TLN2: variants seen among roughly 807,000 people sequenced by gnomAD.
TLN2 encodes the protein talin 2.
TLN2 carries 118 observed loss-of-function variants against 294.7 expected under a neutral mutation model. The observed-to-expected ratio is 0.40, with a 90% CI of 0.34 to 0.47. The LOEUF (loss-of-function observed/expected upper bound fraction) is 0.47, where lower values mean the gene tolerates loss of function less well. Among genes scored for constraint, TLN2 ranks in the 20% least tolerant of loss-of-function variants. The pLI, the probability that TLN2 is intolerant of heterozygous loss-of-function variation, is 0.84. For missense variants in TLN2, 3,083 were observed against 3,282.2 expected (o/e 0.94, Z 1.48); for synonymous variants, 1,431 against 1,304.5 (o/e 1.10, Z -2.09).
intron 52 of TLN2, among the ~76,000 whole-genome samples, chr15:62,812,263 A>T (rs978783037): frequency 3.3e-5 from 5 of 151,996 alleles, no homozygotes; most frequent in Admixed American, 1.3e-4. Flanking sequence ...TTTCCATTTC[A>T]CTTCTCCCCA....
At chr15:62,465,060 C>T (rs1377038189) in intron 1 of TLN2, among the ~76,000 whole-genome samples, 5 of 143,502 alleles carry the variant, frequency 3.5e-5, no homozygotes, top group African/African-American at 1.3e-4. Flanking sequence ...CTCTCATTTG[C>T]TCTAATGGAT....
chr15:62,523,349 A>ACTTTGTACAAACCTGCCTTCC (rs1194825315), intron 1 of TLN2, among the ~76,000 whole-genome samples: 3 of 152,214 alleles, frequency 2.0e-5, no homozygotes, highest in Non-Finnish European at 2.9e-5. Context: ...TGGAATAAAT[A>ACTTTGTACAAACCTGCCTTCC]CTTTGTACAA....
In TLN2 at chr15:62,719,967, A is replaced by G. The variant is rs868758666; in HGVS notation, c.2991+87A>G. 6.6e-5 allele frequency: 67 copies of G among 1,008,910 alleles called. No individual in the cohort carries two copies. In the Middle Eastern group the frequency reaches 1.6e-3, roughly 25 times the overall value. 62.5% of individuals were successfully genotyped at this position (1,008,910 alleles called of 1,614,324 possible). A position where few individuals can be genotyped will look rare whatever the true frequency, so the allele number is the denominator to read the frequency against. ...TTAAGGAGAGGAGTTAATGAATTCC[A>G]CAGCCTCAGCTAAGTCTTTGCGGTA... On this transcript the variant is annotated intron_variant, in intron 25 of 58. Coordinates refer to ENST00000636159, the MANE Select transcript of TLN2 (RefSeq NM_015059.3).
At chr15:62,545,217 C>A (rs2041924890) in intron 1 of TLN2, among the ~76,000 whole-genome samples, 1 of 152,050 alleles carries the variant, frequency 6.6e-6, no homozygotes, top group Non-Finnish European at 1.5e-5. Flanking sequence ...GGATTACAGG[C>A]GTGAGCCACC....
At chr15:62,739,314 A>G (rs751798247) in intron 30 of TLN2, 34 bp from the exon 31 acceptor site, 2 of 1,588,298 alleles carry the variant, frequency 1.3e-6, no homozygotes, top group Non-Finnish European at 1.7e-6. Flanking sequence ...GCAAAGCAGA[A>G]TGTCTCATGG....
chr15:62,429,169 G>T (rs560177762), intron 1 of TLN2, among the ~76,000 whole-genome samples: 8 of 151,800 alleles, frequency 5.3e-5, no homozygotes, highest in East Asian at 1.9e-4. Flanking sequence ...TCACTCAAGC[G>T]GGGTGCAGTG....
intron 1 of TLN2, among the ~76,000 whole-genome samples, chr15:62,398,544 C>A (rs1359943524): frequency 6.6e-6 from 1 of 152,098 alleles, no homozygotes; most frequent in Non-Finnish European, 1.5e-5. Context: ...TTTGGAACTT[C>A]CCAGAGACTT....
chr15:62,815,000 G>A (rs2066986781), intron 52 of TLN2, among the ~76,000 whole-genome samples: 1 of 152,062 alleles, frequency 6.6e-6, no homozygotes, highest in South Asian at 2.1e-4. Flanking sequence ...GTTTTCAGAG[G>A]GGATTCTAAT....
intron 1 of TLN2, among the ~76,000 whole-genome samples, chr15:62,393,821 A>G (rs540987860): frequency 6.7e-6 from 1 of 149,896 alleles, no homozygotes; most frequent in Admixed American, 6.6e-5. Flanking sequence ...ATTGTTATAC[A>G]TCGTGCTTTG....
intron 1 of TLN2, among the ~76,000 whole-genome samples, chr15:62,582,233 C>CACAT (rs1555435669): frequency 4.6e-5 from 5 of 108,530 alleles, no homozygotes; most frequent in African/African-American, 1.4e-4. Context: ...CACACACACA[C>CACAT]ACACACACAC....
At position 62,667,451 on chromosome 15, in the gene TLN2, C is replaced by T. The variant is rs2054850873; in HGVS notation, c.789-6376C>T. Among the ~76,000 whole-genome samples the T allele has an allele frequency of 2.0e-5, 3 of 152,174 alleles. 1 individual carries two copies. The South Asian group carries it at 6.2e-4, about 32-fold the overall frequency. On this transcript the variant is annotated intron_variant, in intron 9 of 58. Transcript: ENST00000636159. ...GGTGATGCTGTCCCTATTGTACCTC[C>T]ACCATCCCTCCCCTCTGTTCCTCTA...
At chr15:62,753,260 T>C (rs1385647011) in intron 35 of TLN2, among the ~76,000 whole-genome samples, 1 of 152,168 alleles carries the variant, frequency 6.6e-6, no homozygotes, top group Non-Finnish European at 1.5e-5. Flanking sequence ...CCTTCTGCTG[T>C]TGAAAATACT....
intron 1 of TLN2, among the ~76,000 whole-genome samples, chr15:62,420,864 A>G (rs2034352319): frequency 1.3e-5 from 2 of 152,172 alleles, no homozygotes; most frequent in South Asian, 2.1e-4. Context: ...AATCTCTGTG[A>G]TTTAGCAGGA....
chr15:62,562,818 G>C (rs1280288957), intron 1 of TLN2, among the ~76,000 whole-genome samples: 1 of 151,210 alleles, frequency 6.6e-6, no homozygotes, highest in African/African-American at 2.4e-5. Context: ...TTCTTGAGTT[G>C]CTTCATTTAG....
intron 28 of TLN2, among the ~76,000 whole-genome samples, 169 bp from the exon 29 acceptor site, chr15:62,736,709 A>G (rs2061035743): frequency 6.6e-6 from 1 of 152,102 alleles, no homozygotes; most frequent in Non-Finnish European, 1.5e-5. Flanking sequence ...CCAGGGGGAT[A>G]TGTTTCTGAA....
intron 1 of TLN2, among the ~76,000 whole-genome samples, chr15:62,511,685 C>T (rs2039948446): frequency 6.6e-6 from 1 of 152,008 alleles, no homozygotes; most frequent in South Asian, 2.1e-4. Context: ...GGAGTTCACC[C>T]CTGAATTTTG....
chr15:62,641,530 C>A (rs6494335), intron 3 of TLN2, among the ~76,000 whole-genome samples: 16 of 151,858 alleles, frequency 1.1e-4, no homozygotes, highest in Admixed American at 9.8e-4. Flanking sequence ...GCAGGAGAAT[C>A]GTTTGAACCG....
intron 1 of TLN2, among the ~76,000 whole-genome samples, chr15:62,400,228 C>G (rs1031086148): frequency 1.3e-5 from 2 of 152,212 alleles, no homozygotes; most frequent in African/African-American, 4.8e-5. Flanking sequence ...TAAGTTTCCT[C>G]AGACCTCCCC....
At chr15:62,509,903 T>G (rs903408769) in intron 1 of TLN2, among the ~76,000 whole-genome samples, 8 of 152,194 alleles carry the variant, frequency 5.3e-5, no homozygotes, top group African/African-American at 1.9e-4. Flanking sequence ...CCCAGTTGTT[T>G]CCCAGTCAGA....
Sources: allele counts gnomAD v4.1 joint callset (sites outside exome capture counted in the v4.1 genomes callset), GRCh38; gene constraint gnomAD v4.1.1; transcripts MANE v1.5; gene names NCBI Gene and HGNC (gene_info 2026-07-23, HGNC 2026-07-21).